Variants in PLD1 observed in about 807,000 individuals in gnomAD.
PLD1 encodes phospholipase D1, also known as choline phosphatase 1.
A neutral mutation model predicts 137.1 loss-of-function variants in PLD1; 112 were observed. That is an observed-to-expected ratio of 0.82 (90% CI 0.70 to 0.96). The LOEUF (loss-of-function observed/expected upper bound fraction) is 0.96. PLD1 is among the 40% of genes least tolerant of loss of function. The probability of loss-of-function intolerance (pLI) is 0.00; values close to 1 mark genes in which losing one functional copy is unlikely to be tolerated. For missense variants in PLD1, 1,321 were observed against 1,342.0 expected, an observed-to-expected ratio of 0.98 and a Z score of 0.24; for synonymous variants, 431 against 454.7, an observed-to-expected ratio of 0.95 and a Z score of 0.66.
chr3:171,672,151 G>A (rs1712836015), intron 19 of PLD1, among the ~76,000 whole-genome samples: 1 of 152,108 alleles, frequency 6.6e-6, no homozygotes, highest in Admixed American at 6.6e-5. Context: ...CAGCATGCTG[G>A]TCCTTACTGT....
intron 6 of PLD1, among the ~76,000 whole-genome samples, chr3:171,729,609 G>A (rs7638344): frequency 0.33 from 49,461 of 151,942 alleles, 8,629 homozygotes; most frequent in African/African-American, 0.41. Context: ...CAATGTCCTT[G>A]TAGACTCAGG....
At chr3:171,788,250 CTTTTTTTTTT>C (rs58878929) in intron 1 of PLD1, among the ~76,000 whole-genome samples, 21,685 of 111,196 alleles carry the variant, frequency 0.2, 1,884 homozygotes, top group Middle Eastern at 0.34. Flanking sequence ...ATCTGCACTT[CTTTTTTTTTT>C]TTTTTTTTTT....
intron 21 of PLD1, among the ~76,000 whole-genome samples, chr3:171,647,790 T>G (rs1179316154): frequency 6.6e-6 from 1 of 152,126 alleles, no homozygotes. Context: ...ACATATACAA[T>G]GTTGTACAAC....
chr3:171,601,501 C>T lies in PLD1; in HGVS notation c.*1577G>A, dbSNP rs889268129. On this transcript the variant is annotated 3_prime_UTR_variant, in exon 27 of 27. Coordinates refer to ENST00000351298, the MANE Select transcript of PLD1 (RefSeq NM_002662.5). ...AAAATAAGTTATTTACTTATAAAAA[C>T]ATTCATTTTTATTATTGGTTACAAA... 1 of 151,498 alleles carries T rather than the reference C, an allele frequency of 6.6e-6. No homozygotes were observed. Among genetic ancestry groups the T allele is most frequent in the Admixed American group, 6.6e-5 (1 of 15,242 alleles). 9.4% of individuals were successfully genotyped at this position (151,498 alleles called of 1,614,324 possible).
intron 23 of PLD1, among the ~76,000 whole-genome samples, chr3:171,626,011 T>C (rs1021031096): frequency 2.6e-5 from 4 of 152,188 alleles, no homozygotes; most frequent in African/African-American, 9.7e-5. Flanking sequence ...AGAATGACTT[T>C]GACGAGTTGA....
chr3:171,730,851 C>A (rs1718889524), intron 6 of PLD1, among the ~76,000 whole-genome samples: 1 of 152,172 alleles, frequency 6.6e-6, no homozygotes, highest in African/African-American at 2.4e-5. Context: ...GTTGTCCAGG[C>A]TGGTCTCGAA....
Position 171,635,235 on chromosome 3 carries a change from T to C in PLD1, c.2593+7605A>G, listed in dbSNP as rs897733130. On this transcript the variant is annotated intron_variant, in intron 23 of 26. Transcript: ENST00000351298. ...TGAATAATGCTGCTATAAACATTCA[T>C]GTACAGATTTTTGTGTGGACATTTG... 7.2e-5 allele frequency among the ~76,000 whole-genome samples: 11 copies of C among 152,204 alleles called. No individual in the cohort carries two copies. The South Asian group carries it at 8.3e-4, about 11-fold the overall frequency.
intron 1 of PLD1, among the ~76,000 whole-genome samples, chr3:171,781,803 A>G (rs933741807): frequency 2.0e-5 from 3 of 152,242 alleles, no homozygotes; most frequent in African/African-American, 7.2e-5. Context: ...TAAAACTACA[A>G]CCAGCTTAGA....
chr3:171,662,097 T>C lies in PLD1; in HGVS notation c.2303A>G (p.His768Arg), dbSNP rs761570768. The C allele has an allele frequency of 3.7e-6, 6 of 1,613,036 alleles. No homozygotes were observed. Among genetic ancestry groups the C allele is most frequent in the Non-Finnish European group, 5.1e-6 (6 of 1,178,976 alleles). The stretch of plus-strand genomic sequence containing the variant: ...ATAGTGCCTGCTGTTCTCTATCACA[T>C]GGACGTAAGCGGCGTGGATGGACTC... ...HEESIHAAYV[H>R]VIENSRHYIY... Residue 768 changes from histidine to arginine, a missense_variant, in exon 20 of 27, where the codon CAT becomes CGT. Transcript: ENST00000351298.
At chr3:171,659,102 A>G (rs147206107) in intron 21 of PLD1, 111 bp downstream of exon 21, 503 of 762,140 alleles carry the variant, frequency 6.6e-4, no homozygotes, top group Non-Finnish European at 9.8e-4. Flanking sequence ...TGGCTGAACC[A>G]AATTTAAGCT....
At chr3:171,745,287 C>G (rs948620121) in intron 1 of PLD1, among the ~76,000 whole-genome samples, 2 of 152,210 alleles carry the variant, frequency 1.3e-5, no homozygotes, top group Admixed American at 6.5e-5. Context: ...AGGCACGTTA[C>G]AGGTATTACT....
rs773158293 is a variant in PLD1 at position 171,620,387 on chromosome 3, A to C, written c.2727T>G (p.Ile909Met). Reference protein sequence around the residue: ...LLIADDNTVIIGSANINDRSM... With the variant: ...LLIADDNTVIMGSANINDRSM... ...TTATAGACCATATACTGTACTTACC[A>C]ATAATAACAGTGTTATCATCAGCAA... Residue 909 changes from isoleucine (I) to methionine (M), a missense_variant and splice_region_variant, in exon 24 of 27, where the codon ATT becomes ATG. Ile to Met is a conservative substitution (Grantham distance 10). Transcript: ENST00000351298. 6.9e-6 allele frequency: 11 copies of C among 1,590,082 alleles called. No homozygotes were observed. Among genetic ancestry groups the C allele is most frequent in the East Asian group, 4.5e-5 (2 of 44,610 alleles).
intron 1 of PLD1, among the ~76,000 whole-genome samples, chr3:171,766,078 C>G (rs758279627): frequency 2.0e-5 from 3 of 152,076 alleles, no homozygotes; most frequent in Non-Finnish European, 2.9e-5. Flanking sequence ...TATAAAAATT[C>G]ATTTTACCTC....
chr3:171,773,335 T>C (rs1722467662), intron 1 of PLD1, among the ~76,000 whole-genome samples: 2 of 152,224 alleles, frequency 1.3e-5, no homozygotes, highest in Non-Finnish European at 2.9e-5. Flanking sequence ...GGCTCATGCC[T>C]GTAAGCCCAG....
intron 1 of PLD1, chr3:171,765,552 C>A (rs777729756): frequency 6.6e-6 from 1 of 152,092 alleles, no homozygotes; most frequent in African/African-American, 2.4e-5. Context: ...TGAAAACGAG[C>A]AGAATATTAT....
intron 23 of PLD1, among the ~76,000 whole-genome samples, chr3:171,620,728 C>CTG (rs1276704411): frequency 1.4e-4 from 10 of 70,928 alleles, no homozygotes; most frequent in Non-Finnish European, 2.2e-4. Flanking sequence ...TTCTCTCTCT[C>CTG]TCTCTCTCTC....
At chr3:171,780,195 CAT>C (rs1722744680) in intron 1 of PLD1, among the ~76,000 whole-genome samples, 1 of 149,306 alleles carries the variant, frequency 6.7e-6, no homozygotes, top group Non-Finnish European at 1.5e-5. Context: ...GGCTTGCATA[CAT>C]AAGTCTGAGA....
intron 1 of PLD1, among the ~76,000 whole-genome samples, chr3:171,795,674 A>G (rs1338641925): frequency 6.6e-6 from 1 of 152,192 alleles, no homozygotes; most frequent in Non-Finnish European, 1.5e-5. Flanking sequence ...CATCACACCC[A>G]GTCACAAAGA....
intron 26 of PLD1, among the ~76,000 whole-genome samples, chr3:171,604,317 TAAA>T (rs113679565): frequency 1.0e-4 from 12 of 118,578 alleles, no homozygotes; most frequent in African/African-American, 1.2e-4. Context: ...CCATGTCAAT[TAAA>T]AAAAAAAAAA....
Sources: gnomAD v4.1 joint callset for allele counts (sites outside exome capture counted in the v4.1 genomes callset) on GRCh38, gnomAD v4.1.1 for gene constraint, MANE v1.5 for transcripts, NCBI Gene and HGNC (gene_info 2026-07-23, HGNC 2026-07-21) for gene names.